The following TRAPPC3L variants were observed in gnomAD, a reference collection of about 807,000 sequenced individuals.
TRAPPC3L encodes trafficking protein particle complex subunit 3-like protein.
Under a neutral mutation model 23.7 loss-of-function variants are expected in TRAPPC3L, and 23 were observed. That is an observed-to-expected ratio of 0.97 (90% CI 0.70 to 1.37). The LOEUF is 1.37. TRAPPC3L is among the 40% of genes most tolerant of loss of function. TRAPPC3L has a pLI of 0.00. For synonymous variants in TRAPPC3L, 81 were observed against 77.9 expected (o/e 1.04, Z -0.21); for missense variants, 212 against 216.8 (o/e 0.98, Z 0.14).
chr6:116,515,611 G>A, intron 3 of TRAPPC3L: 2 of 1,609,844 alleles, frequency 1.2e-6, no homozygotes, highest in Non-Finnish European at 1.7e-6. Flanking sequence ...TTCTAGGATG[G>A]TGCCTGATTT....
intron 3 of TRAPPC3L, among the ~76,000 whole-genome samples, chr6:116,510,421 A>G (rs888382145): frequency 4.0e-5 from 6 of 151,268 alleles, no homozygotes; most frequent in Non-Finnish European, 7.4e-5. Context: ...AGCTGGGACT[A>G]CAGGTGCATG....
intron 4 of TRAPPC3L, among the ~76,000 whole-genome samples, chr6:116,499,988 G>A (rs1356955549): frequency 6.6e-6 from 1 of 152,192 alleles, no homozygotes; most frequent in African/African-American, 2.4e-5. Flanking sequence ...AATGGTCAAT[G>A]ATCCCTGCCT....
chr6:116,544,442 C>T (rs113798259), intron 1 of TRAPPC3L, among the ~76,000 whole-genome samples: 8 of 152,200 alleles, frequency 5.3e-5, no homozygotes, highest in Non-Finnish European at 1.2e-4. Context: ...TGGCCAAGGA[C>T]TGTACCTTGA....
chr6:116,521,656 A>G (rs1158065802), intron 3 of TRAPPC3L: 2 of 152,142 alleles, frequency 1.3e-5, no homozygotes, highest in East Asian at 1.9e-4. Flanking sequence ...TCAAATGCCA[A>G]TCTTTTTTGG....
chr6:116,537,180 T>C (rs544063235), intron 3 of TRAPPC3L, among the ~76,000 whole-genome samples: 1 of 152,304 alleles, frequency 6.6e-6, no homozygotes, highest in East Asian at 1.9e-4. Flanking sequence ...ATTCTCCTCA[T>C]TGACAAGAAA....
intron 3 of TRAPPC3L, among the ~76,000 whole-genome samples, chr6:116,528,712 T>C (rs1319163723): frequency 6.6e-6 from 1 of 152,244 alleles, no homozygotes; most frequent in African/African-American, 2.4e-5. Flanking sequence ...CTAACTGTGA[T>C]GCCAGCCTTC....
intron 3 of TRAPPC3L, among the ~76,000 whole-genome samples, chr6:116,532,019 TA>T (rs1772759364): frequency 6.6e-6 from 1 of 152,172 alleles, no homozygotes; most frequent in Non-Finnish European, 1.5e-5. Flanking sequence ...TACCGCAGTT[TA>T]AATCTTGTTG....
chr6:116,541,232 A>T (rs554701257), intron 2 of TRAPPC3L, among the ~76,000 whole-genome samples: 7 of 152,346 alleles, frequency 4.6e-5, no homozygotes, highest in Admixed American at 1.3e-4. Context: ...AAACGACTAG[A>T]TTTCCCAGAA....
intron 3 of TRAPPC3L, among the ~76,000 whole-genome samples, chr6:116,506,365 C>G (rs545752367): frequency 3.9e-4 from 59 of 152,304 alleles, no homozygotes; most frequent in Middle Eastern, 6.8e-3. Context: ...CAGGAAACAA[C>G]AGATGCTGGA....
chr6:116,522,374 G>C (rs1772361753), intron 3 of TRAPPC3L: 1 of 152,168 alleles, frequency 6.6e-6, no homozygotes, highest in Admixed American at 6.5e-5. Context: ...AATATGAAGC[G>C]ACAGAACCTG....
At chr6:116,503,115 T>A (rs1771945580) in intron 3 of TRAPPC3L, among the ~76,000 whole-genome samples, 1 of 151,982 alleles carries the variant, frequency 6.6e-6, no homozygotes, top group African/African-American at 2.4e-5. Context: ...CAGTGTGCTG[T>A]ATTCAGGAGA....
intron 2 of TRAPPC3L, among the ~76,000 whole-genome samples, chr6:116,541,441 C>A (rs1169329642): frequency 6.6e-6 from 1 of 152,188 alleles, no homozygotes; most frequent in Admixed American, 6.5e-5. Context: ...CAACAAGACA[C>A]CACAGTGTTC....
At chr6:116,519,356 A>C (rs2640870) in intron 3 of TRAPPC3L, 3 of 152,250 alleles carry the variant, frequency 2.0e-5, no homozygotes, top group African/African-American at 7.2e-5. Flanking sequence ...GGAATGTCAG[A>C]TTTCTCCTGA....
intron 3 of TRAPPC3L, among the ~76,000 whole-genome samples, chr6:116,535,210 A>G (rs1275763839): frequency 6.6e-6 from 1 of 152,234 alleles, no homozygotes; most frequent in Non-Finnish European, 1.5e-5. Context: ...ATTCAGAAGA[A>G]TGACAGCTGA....
At chr6:116,531,219 G>A (rs1030846708) in intron 3 of TRAPPC3L, among the ~76,000 whole-genome samples, 1 of 151,842 alleles carries the variant, frequency 6.6e-6, no homozygotes, top group South Asian at 2.1e-4. Flanking sequence ...GGCTGGACAG[G>A]TTAAAGACTC....
intron 1 of TRAPPC3L, 105 bp downstream of exon 1, chr6:116,545,368 C>T: frequency 2.2e-6 from 2 of 900,544 alleles, no homozygotes; most frequent in Non-Finnish European, 3.4e-6. Flanking sequence ...ACTGTCTTTC[C>T]TCCACTAAAA....
At chr6:116,503,040 T>G (rs1049138466) in intron 3 of TRAPPC3L, among the ~76,000 whole-genome samples, 1 of 152,126 alleles carries the variant, frequency 6.6e-6, no homozygotes, top group African/African-American at 2.4e-5. Flanking sequence ...ACCTTAAATA[T>G]AGTGGGCTAA....
intron 3 of TRAPPC3L, among the ~76,000 whole-genome samples, chr6:116,511,033 G>A (rs1772105455): frequency 6.6e-6 from 1 of 150,620 alleles, no homozygotes; most frequent in African/African-American, 2.4e-5. Flanking sequence ...GGAAGGGGGT[G>A]AGGGATAAAA....
intron 3 of TRAPPC3L, among the ~76,000 whole-genome samples, chr6:116,510,132 C>T (rs2640885): frequency 0.025 from 3,841 of 152,168 alleles, 74 homozygotes; most frequent in Middle Eastern, 0.095. Context: ...TGAGATACCA[C>T]CTTATTCCAG....
Sources: gnomAD v4.1 joint callset for allele counts (sites outside exome capture counted in the v4.1 genomes callset) on GRCh38, gnomAD v4.1.1 for gene constraint, MANE v1.5 for transcripts, NCBI Gene and HGNC (gene_info 2026-07-23, HGNC 2026-07-21) for gene names.